The following TRPV1 variants were observed in gnomAD, a reference collection of about 807,000 sequenced individuals.
TRPV1 encodes the protein OTRPC1.
TRPV1 carries 82 observed loss-of-function variants against 82.3 expected under a neutral mutation model. The observed-to-expected ratio is 1.00, with a 90% CI of 0.83 to 1.20. TRPV1 has a LOEUF of 1.20. TRPV1 is among the 50% of genes most tolerant of loss of function. TRPV1 has a pLI of 0.00. For synonymous variants in TRPV1, 515 were observed against 467.7 expected (o/e 1.10, Z -1.30); for missense variants, 1,067 against 1,096.8 (o/e 0.97, Z 0.38).
rs867585108 is a variant in TRPV1 at position 3,588,282 on chromosome 17, G to A, written c.1130C>T (p.Pro377Leu). The change falls in exon 8 of 17, where the codon CCC (proline) becomes CTC (leucine). Residue 377 changes from proline (P) to leucine (L), a missense_variant. Physicochemically the swap from Pro to Leu is moderately conservative, Grantham distance 98. Transcript: ENST00000572705. ...SRKFTEWAYG[P>L]VHSSLYDLSC... ...CAGGTCGTACAGCGAGGAGTGCACG[G>A]GCCCGTAGGCCCACTCGGTGAACTT... The A allele has an allele frequency of 6.3e-7, 1 of 1,577,804 alleles. No homozygotes were observed. Among genetic ancestry groups the A allele is most frequent in the Non-Finnish European group, 8.6e-7 (1 of 1,162,444 alleles).
At chr17:3,581,876 C>T (rs1250278519) in intron 10 of TRPV1, among the ~76,000 whole-genome samples, 4 of 123,168 alleles carry the variant, frequency 3.2e-5, no homozygotes, top group African/African-American at 8.5e-5. Context: ...CTAAGCGAGA[C>T]TCCATCTCAG....
intron 11 of TRPV1, among the ~76,000 whole-genome samples, chr17:3,579,563 T>C (rs62069902): frequency 0.011 from 1,719 of 152,216 alleles, 24 homozygotes; most frequent in Non-Finnish European, 0.017. Context: ...GCAACCTCTG[T>C]CTCCCGGGTA....
At chr17:3,569,284 G>A (rs993436060) in intron 16 of TRPV1, among the ~76,000 whole-genome samples, 7 of 152,232 alleles carry the variant, frequency 4.6e-5, no homozygotes, top group African/African-American at 9.6e-5. Flanking sequence ...AAAATTAGCC[G>A]GGTATAGTGG....
intron 7 of TRPV1, 98 bp downstream of exon 7, chr17:3,589,709 C>T: frequency 7.1e-7 from 1 of 1,407,582 alleles, no homozygotes; most frequent in South Asian, 1.4e-5. Flanking sequence ...GTCCCGCACA[C>T]ACAGATAGCG....
At chr17:3,572,386 C>T (rs1485029246) in intron 14 of TRPV1, 137 bp from the exon 15 acceptor site, 66 of 1,094,762 alleles carry the variant, frequency 6.0e-5, no homozygotes, top group Non-Finnish European at 7.5e-5. Flanking sequence ...GTGCCCTCCA[C>T]GCTAGCTTTG....
At chr17:3,572,641 GCA>G (rs146264570) in intron 14 of TRPV1, among the ~76,000 whole-genome samples, 1,612 of 151,204 alleles carry the variant, frequency 0.011, 20 homozygotes, top group African/African-American at 0.035. Flanking sequence ...GTGGCCTTGA[GCA>G]CAGATACCTA....
At chr17:3,604,503 CAGG>C (rs1360987749) in intron 2 of TRPV1, among the ~76,000 whole-genome samples, 2 of 151,016 alleles carry the variant, frequency 1.3e-5, no homozygotes, top group Non-Finnish European at 2.9e-5. Context: ...GAGGCTGAGG[CAGG>C]AGAACTGCTT....
At chr17:3,583,552 CACAAAG>C (rs1240560932) in intron 9 of TRPV1, 122 bp from the exon 10 acceptor site, 21 of 827,636 alleles carry the variant, frequency 2.5e-5, no homozygotes, top group Admixed American at 5.1e-5. Flanking sequence ...GGGAAGGACA[CACAAAG>C]ACAGTGTGTT....
chr17:3,588,346 G>A lies in TRPV1; in HGVS notation c.1066C>T (p.Arg356Trp), dbSNP rs764722729. Residue 356 changes from arginine to tryptophan, a missense_variant, in exon 8 of 17, where the codon CGG becomes TGG. Physicochemically the swap from Arg to Trp is moderately radical, Grantham distance 101. Transcript: ENST00000572705. Reference protein sequence around the residue: ...KIGVLAYILQREIQEPECRHL... With the variant: ...KIGVLAYILQWEIQEPECRHL... Reference sequence around the variant, plus strand: ...CTGCACTCGGGCTCCTGGATCTCCCGCTGGAGAATATAGGCCAAGACCTGC... The same window carrying A: ...CTGCACTCGGGCTCCTGGATCTCCCACTGGAGAATATAGGCCAAGACCTGC... 1.5e-5 allele frequency: 24 copies of A among 1,560,524 alleles called. No individual in the cohort carries two copies. The highest frequency in any genetic ancestry group is 1.4e-4 in the East Asian group (6 of 41,432).
chr17:3,588,616 C>A (rs914811885), intron 7 of TRPV1, among the ~76,000 whole-genome samples: 1 of 151,990 alleles, frequency 6.6e-6, no homozygotes, highest in Non-Finnish European at 1.5e-5. Flanking sequence ...TGAGACCAGC[C>A]TGGCCAACAT....
In TRPV1 at chr17:3,590,252, C is replaced by A. The variant is rs199749278; in HGVS notation, c.745G>T (p.Gly249Cys). 1 of 1,613,768 alleles carries A rather than the reference C, an allele frequency of 6.2e-7. No homozygotes were observed. Among genetic ancestry groups the A allele is most frequent in the South Asian group, 1.1e-5 (1 of 91,084 alleles). ...KTKGRPGFYF[G>C]ELPLSLAACT... Reference sequence around the variant, plus strand: ...AGGGTCTGCCACACTGTCTCCCTACCGAAGTAGAATCCAGGCCGCCCTTTG... The same window carrying A: ...AGGGTCTGCCACACTGTCTCCCTACAGAAGTAGAATCCAGGCCGCCCTTTG... The change falls in exon 6 of 17, where the codon GGT (glycine) becomes TGT (cysteine). Residue 249 changes from glycine (G) to cysteine (C), a missense_variant and splice_region_variant. Physicochemically the swap from Gly to Cys is radical, Grantham distance 159 (BLOSUM62 -3). Transcript: ENST00000572705.
At chr17:3,591,142 G>T in intron 4 of TRPV1, 26 bp from the exon 5 acceptor site, 1 of 1,610,058 alleles carries the variant, frequency 6.2e-7, no homozygotes, top group Non-Finnish European at 8.5e-7. Context: ...GAGGGTCAGG[G>T]CAGGCCAGGG....
rs556356988 is a variant in TRPV1, at chr17:3,595,357, C to A, written c.-33-2974G>T. Among the ~76,000 whole-genome samples the A allele has an allele frequency of 5.9e-5, 9 of 152,276 alleles. No individual in the cohort carries two copies. The East Asian group carries it at 1.7e-3, about 29-fold the overall frequency. On this transcript the variant is annotated intron_variant, in intron 2 of 16. Transcript: ENST00000572705. ...GACCCCAGGCAGGCTGGCTCCAGAG[C>A]ATCTCCAGTGCTCCACCACGATGCT...
At chr17:3,583,535 C>T in intron 9 of TRPV1, 105 bp from the exon 10 acceptor site, 1 of 941,744 alleles carries the variant, frequency 1.1e-6, no homozygotes, top group South Asian at 1.5e-5. Context: ...GGCACAGCCT[C>T]CATCAGGGGA....
At chr17:3,567,531 T>C (rs2074784776) in intron 16 of TRPV1, among the ~76,000 whole-genome samples, 1 of 152,110 alleles carries the variant, frequency 6.6e-6, no homozygotes, top group African/African-American at 2.4e-5. Context: ...TTAAATTCTC[T>C]TCCTCCATCC....
At position 3,571,554 on chromosome 17, in the gene TRPV1, T is replaced by C. The variant is rs1285260142; in HGVS notation, c.2317A>G (p.Thr773Ala). 1 of 1,609,812 alleles carries C rather than the reference T, an allele frequency of 6.2e-7. No homozygotes were observed. The highest frequency in any genetic ancestry group is 2.2e-5 in the East Asian group (1 of 44,736). The change falls in exon 16 of 17, where the codon ACC becomes GCC. Residue 773 changes from threonine to alanine, a missense_variant. Thr to Ala is a moderately conservative substitution (Grantham distance 58). Coordinates refer to ENST00000572705, the MANE Select transcript of TRPV1 (RefSeq NM_080704.4). Reference sequence around the variant, plus strand: ...CTTGACCGCAGGGAGAAGCTCAGGGTGCGCTTGACGCCCTCACAGTTGCCC... The same window carrying C: ...CTTGACCGCAGGGAGAAGCTCAGGGCGCGCTTGACGCCCTCACAGTTGCCC... ...DPGNCEGVKR[T>A]LSFSLRSSRV...
intron 11 of TRPV1, among the ~76,000 whole-genome samples, chr17:3,579,827 G>A (rs992279814): frequency 2.6e-5 from 4 of 152,140 alleles, no homozygotes; most frequent in African/African-American, 9.7e-5. Context: ...CTCCTAAAGC[G>A]GTGGTTCTCA....
intron 9 of TRPV1, 49 bp from the exon 10 acceptor site, chr17:3,583,479 C>G: frequency 1.4e-6 from 2 of 1,429,508 alleles, no homozygotes; most frequent in African/African-American, 1.4e-5. Context: ...TTCGTTCATT[C>G]AACAAACATG....
At chr17:3,568,137 A>G (rs1211166177) in intron 16 of TRPV1, among the ~76,000 whole-genome samples, 4 of 152,114 alleles carry the variant, frequency 2.6e-5, no homozygotes, top group Admixed American at 2.0e-4. Flanking sequence ...CCTGGCTAAC[A>G]TGGTGAAACC....
Sources: gnomAD v4.1 joint callset for allele counts (sites outside exome capture counted in the v4.1 genomes callset) on GRCh38, gnomAD v4.1.1 for gene constraint, MANE v1.5 for transcripts, NCBI Gene and HGNC (gene_info 2026-07-23, HGNC 2026-07-21) for gene names.